The following HS1BP3 variants were observed in gnomAD, a reference collection of about 807,000 sequenced individuals.
The protein encoded by HS1BP3 is HCLS1 binding protein 3, also known as HCLS1-binding protein 3.
In HS1BP3, 32 loss-of-function variants were observed where a neutral mutation model predicts 33.5. That is an observed-to-expected ratio of 0.95 (90% CI 0.72 to 1.28). The LOEUF is 1.28. HS1BP3 is among the 50% of genes most tolerant of loss of function. The pLI, the probability that HS1BP3 is intolerant of heterozygous loss-of-function variation, is 0.00. For synonymous variants in HS1BP3, 187 were observed against 209.2 expected (o/e 0.89, Z 0.92); for missense variants, 486 against 502.3 (o/e 0.97, Z 0.31).
chr2:20,591,124 C>T (rs963896341), downstream of HS1BP3: 1 of 167,154 alleles, frequency 6.0e-6, no homozygotes, highest in East Asian at 1.9e-4. Flanking sequence ...CCAGCCAGGC[C>T]CTGATAGCTT....
chr2:20,630,229 T>C (rs1694928812), intron 4 of HS1BP3, among the ~76,000 whole-genome samples: 1 of 152,260 alleles, frequency 6.6e-6, no homozygotes. Context: ...TTTCATACTT[T>C]ATTCTTAAAT....
At chr2:20,634,761 A>G (rs930373048) in intron 4 of HS1BP3, 4 of 152,270 alleles carry the variant, frequency 2.6e-5, no homozygotes, top group African/African-American at 7.2e-5. Context: ...ACTAAAATAC[A>G]TGTGGTTGTT....
At chr2:20,627,925 G>A (rs1467934767) in intron 4 of HS1BP3, among the ~76,000 whole-genome samples, 6 of 152,190 alleles carry the variant, frequency 3.9e-5, no homozygotes, top group Non-Finnish European at 5.9e-5. Context: ...GAGGGGAGGA[G>A]GGATGGACAG....
chr2:20,611,638 C>A lies in HS1BP3; in HGVS notation c.178+12258G>T, dbSNP rs1453967824. On this transcript the variant is annotated intron_variant, in intron 2 of 3. Transcript: ENST00000415264. This position sits in a 1 kb window ranked among gnomAD's most constrained non-coding sequence, Gnocchi z 4.9. ...ATTTCCAGTTCGTTCCATCTACCCT[C>A]CCTTTGGTAGACCTCCATGACCCAC... Among the ~76,000 whole-genome samples, 2 of 152,198 alleles carry A rather than the reference C, an allele frequency of 1.3e-5. No individual in the cohort carries two copies. Among genetic ancestry groups the A allele is most frequent in the Non-Finnish European group, 2.9e-5 (2 of 68,024 alleles).
In HS1BP3 at chr2:20,641,032, A is replaced by T; in HGVS notation, c.347T>A (p.Leu116Gln). The change falls in exon 3 of 7, where the codon CTG becomes CAG. Residue 116 changes from leucine to glutamine, a missense_variant. Transcript: ENST00000304031. ...RERRAVFNEI[L>Q]RCVSKDAELA... is the part of the protein sequence containing the mutation. ...CTCGGCATCCTTGGAGACACAGCGC[A>T]GGATCTCATTGAACACGGCTCTCCT... is the stretch of plus-strand genomic sequence containing the variant. The T allele has an allele frequency of 6.2e-7, 1 of 1,614,192 alleles. No homozygotes were observed. The highest frequency in any genetic ancestry group is 8.5e-7 in the Non-Finnish European group (1 of 1,180,028).
chr2:20,576,877 T>C lies in HS1BP3; in HGVS notation c.303-16362A>G, dbSNP rs147706193. On this transcript the variant is annotated intron_variant, in intron 5 of 5. Coordinates refer to the HS1BP3 transcript ENST00000446825. The stretch of plus-strand genomic sequence containing the variant: ...TTCGGTTACGTATAGAAGCAGTTGC[T>C]TTCTAAGAATTGAAGGACACCTAGT... Among the ~76,000 whole-genome samples, 125 of 152,360 alleles carry C rather than the reference T, an allele frequency of 8.2e-4. No individual in the cohort carries two copies. The South Asian group carries it at 0.021, about 25-fold the overall frequency.
chr2:20,609,637 C>T (rs1217751044), intron 2 of HS1BP3, among the ~76,000 whole-genome samples: 3 of 152,184 alleles, frequency 2.0e-5, no homozygotes. Flanking sequence ...GCAGTTAATT[C>T]TCCCCATTCA....
In HS1BP3 at chr2:20,611,142, C is replaced by T. The variant is rs1371548060; in HGVS notation, c.178+12754G>A. Among the ~76,000 whole-genome samples, 2 of 152,186 alleles carry T rather than the reference C, an allele frequency of 1.3e-5. No individual in the cohort carries two copies. Among genetic ancestry groups the T allele is most frequent in the African/African-American group, 4.8e-5 (2 of 41,442 alleles). ...CTGTTAGAGGGTTTTTCCTTTTTGA[C>T]GCTGCACAGCATTCCGCTGCATCCA... On this transcript the variant is annotated intron_variant, in intron 2 of 3. Coordinates refer to the HS1BP3 transcript ENST00000415264. The surrounding 1 kb of genome is among the most constrained non-coding windows in gnomAD (Gnocchi z 4.9).
At chr2:20,599,707 GT>G (rs1694028951) in intron 2 of HS1BP3, among the ~76,000 whole-genome samples, 1 of 145,072 alleles carries the variant, frequency 6.9e-6, no homozygotes, top group South Asian at 2.2e-4. Context: ...AATAACAATT[GT>G]TTTACAAGAG....
intron 6 of HS1BP3, chr2:20,622,111 G>A (rs1351978889): frequency 8.8e-7 from 1 of 1,134,792 alleles, no homozygotes; most frequent in Non-Finnish European, 1.1e-6. Flanking sequence ...CCCGCTCAGT[G>A]TACACCCCAC....
In HS1BP3 at chr2:20,611,265, A is replaced by G. The variant is rs1423084368; in HGVS notation, c.178+12631T>C. On this transcript the variant is annotated intron_variant, in intron 2 of 3. Transcript: ENST00000415264. The surrounding 1 kb of genome is among the most constrained non-coding windows in gnomAD (Gnocchi z 4.9). ...CCTTATGAATAATGTTGCTGTGAAC[A>G]TTCGTGTCTAAGTCTTTGTGTGTGT... Among the ~76,000 whole-genome samples, 1 of 152,180 alleles carries G rather than the reference A, an allele frequency of 6.6e-6. No individual in the cohort carries two copies. Among genetic ancestry groups the G allele is most frequent in the Non-Finnish European group, 1.5e-5 (1 of 68,046 alleles).
At chr2:20,600,571 C>G (rs1694050905) in intron 2 of HS1BP3, among the ~76,000 whole-genome samples, 1 of 152,152 alleles carries the variant, frequency 6.6e-6, no homozygotes, top group East Asian at 1.9e-4. Context: ...ACACACAGAC[C>G]AACCATAAAA....
rs780697635 is a variant in HS1BP3, at chr2:20,638,684, GTAA to G, written c.407-35_407-33del. On this transcript the variant is annotated intron_variant, in intron 3 of 6. Coordinates refer to ENST00000304031, the MANE Select transcript of HS1BP3 (RefSeq NM_022460.4). ...AGGAAGACAGAAAAGAATGGACTTG[GTAA>G]CCACCCCAGAGCCAGGGGAGGCATC... 19 of 1,566,084 alleles carry G rather than the reference GTAA, an allele frequency of 1.2e-5. No homozygotes were observed. In the Admixed American group the frequency reaches 2.7e-4, roughly 22 times the overall value.
chr2:20,555,198 C>T, the HS1BP3 span, among the ~76,000 whole-genome samples: 1 of 152,212 alleles, frequency 6.6e-6, no homozygotes, highest in African/African-American at 2.4e-5. Flanking sequence ...GGAACTGTTC[C>T]AAAACAAGGC....
In HS1BP3 at chr2:20,641,004, C is replaced by A. The variant is rs1159659362; in HGVS notation, c.375G>T (p.Leu125Phe). ...ACTCTAGCAGCTCTGGGCTGCCTGC[C>A]AACTCGGCATCCTTGGAGACACAGC... ...ILRCVSKDAE[L>F]AGSPELLEFL... The change falls in exon 3 of 7, where the codon TTG becomes TTT. Residue 125 changes from leucine to phenylalanine, a missense_variant. By Grantham distance (22) the Leu-to-Phe change is conservative. Transcript: ENST00000304031. 1 of 1,614,216 alleles carries A rather than the reference C, an allele frequency of 6.2e-7. No individual in the cohort carries two copies. The highest frequency in any genetic ancestry group is 8.5e-7 in the Non-Finnish European group (1 of 1,180,036).
intron 3 of HS1BP3, among the ~76,000 whole-genome samples, chr2:20,639,539 T>C (rs1027851574): frequency 6.6e-6 from 1 of 152,182 alleles, no homozygotes; most frequent in Non-Finnish European, 1.5e-5. Flanking sequence ...GTAAAGAACT[T>C]AGAGAGTGTC....
At chr2:20,601,776 T>TTC (rs1694075864) in intron 2 of HS1BP3, among the ~76,000 whole-genome samples, 1 of 126,248 alleles carries the variant, frequency 7.9e-6, no homozygotes, top group African/African-American at 3.3e-5. Flanking sequence ...TCTTCTTTTT[T>TTC]TTTTTTTTTT....
chr2:20,593,971 G>C (rs1279540538), intron 3 of HS1BP3, among the ~76,000 whole-genome samples: 2 of 152,248 alleles, frequency 1.3e-5, no homozygotes, highest in East Asian at 3.8e-4. Context: ...TTTCAGAAGA[G>C]GGACGTGGGC....
In HS1BP3 at chr2:20,619,079, G is replaced by A. The variant is rs983347057; in HGVS notation, c.1087C>T (p.Gln363Ter). The change falls in exon 7 of 7, where the codon CAG becomes TAG. Residue 363 changes from glutamine to a stop codon, truncating the protein, a stop_gained. Coordinates refer to ENST00000304031, the MANE Select transcript of HS1BP3 (RefSeq NM_022460.4). LOFTEE classifies it high-confidence loss of function. ...TCGTCCATGGCTTGGATCTGCTCCT[G>A]CGGCTTCTGCTGCCCAGCCACAGCT... ...AEAVAGQQKPQEQIQAMDEMD... is the reference protein window; with the variant it reads ...AEAVAGQQKP 2 of 1,614,090 alleles carry A rather than the reference G, an allele frequency of 1.2e-6. No homozygotes were observed. The highest frequency in any genetic ancestry group is 1.7e-6 in the Non-Finnish European group (2 of 1,180,008).
Sources: gnomAD v4.1 joint callset for allele counts (sites outside exome capture counted in the v4.1 genomes callset) on GRCh38, gnomAD v4.1.1 for gene constraint, Gnocchi (gnomAD v3.1) non-coding constraint, MANE v1.5 for transcripts, NCBI Gene and HGNC (gene_info 2026-07-23, HGNC 2026-07-21) for gene names.